Variants in FAM83B observed in about 807,000 individuals in gnomAD.
FAM83B encodes scaffolding CK1 anchoring protein B.
In FAM83B, 26 loss-of-function variants were observed where a neutral mutation model predicts 38.8. That is an observed-to-expected ratio of 0.67 (90% CI 0.49 to 0.93). FAM83B has a LOEUF of 0.93. FAM83B is among the 40% of genes least tolerant of loss of function. The pLI is 0.00. For synonymous variants in FAM83B, 419 were observed against 423.1 expected (o/e 0.99, Z 0.12); for missense variants, 1,237 against 1,197.3 (o/e 1.03, Z -0.49).
chr6:54,851,899 G>A (rs541334175), intron 1 of FAM83B, among the ~76,000 whole-genome samples: 10 of 151,946 alleles, frequency 6.6e-5, no homozygotes, highest in South Asian at 4.2e-4. Context: ...CTCCCGCCTC[G>A]GCCTCCCAAA....
At chr6:54,894,363 G>A (rs1201105765) in intron 2 of FAM83B, among the ~76,000 whole-genome samples, 1 of 151,824 alleles carries the variant, frequency 6.6e-6, no homozygotes. Flanking sequence ...TGGTCTATGT[G>A]GATTCTGATG....
At chr6:54,882,341 A>G (rs949880960) in intron 2 of FAM83B, among the ~76,000 whole-genome samples, 12 of 152,218 alleles carry the variant, frequency 7.9e-5, no homozygotes, top group Non-Finnish European at 1.8e-4. Flanking sequence ...GAAGCATTTT[A>G]TATATACTGA....
intron 1 of FAM83B, among the ~76,000 whole-genome samples, chr6:54,857,879 T>A (rs1771479173): frequency 6.6e-6 from 1 of 151,692 alleles, no homozygotes; most frequent in Non-Finnish European, 1.5e-5. Flanking sequence ...GGCATATGGA[T>A]AAGATAGAAA....
At chr6:54,846,483 C>T (rs1771135154), upstream of FAM83B, among the ~76,000 whole-genome samples, 1 of 152,216 alleles carries the variant, frequency 6.6e-6, no homozygotes, top group African/African-American at 2.4e-5. Context: ...TGCCCCGTAG[C>T]CCCGAGGGCG....
chr6:54,924,975 T>A (rs1047877385), intron 2 of FAM83B, among the ~76,000 whole-genome samples: 1 of 152,124 alleles, frequency 6.6e-6, no homozygotes, highest in African/African-American at 2.4e-5. Context: ...CTTTAATAGC[T>A]TACAGTCTTA....
Position 54,902,685 on chromosome 6 carries a change from G to C in FAM83B, c.445-23686G>C, listed in dbSNP as rs546250327. The stretch of plus-strand genomic sequence containing the variant: ...TCCAGGCAATAGCTCCCCTTATTTT[G>C]TGTAAATGTCAGATTGTCTCCTCAT... On this transcript the variant is annotated intron_variant, in intron 2 of 4. Transcript: ENST00000306858. Among the ~76,000 whole-genome samples the C allele has an allele frequency of 5.8e-4, 88 of 152,130 alleles. 2 individuals carry two copies. The highest frequency in any genetic ancestry group is 2.1e-3 in the African/African-American group (86 of 41,490).
chr6:54,880,995 T>C (rs559711594), intron 2 of FAM83B, among the ~76,000 whole-genome samples: 2 of 152,318 alleles, frequency 1.3e-5, no homozygotes, highest in Admixed American at 1.3e-4. Flanking sequence ...GATCATATGT[T>C]GTATAATATT....
At chr6:54,921,772 G>A (rs897167000) in intron 2 of FAM83B, among the ~76,000 whole-genome samples, 1 of 151,950 alleles carries the variant, frequency 6.6e-6, no homozygotes, top group Admixed American at 6.6e-5. Context: ...TAGCCATGTG[G>A]CCATGTGTGC....
At position 54,942,087 on chromosome 6, in the gene FAM83B, A is replaced by G; in HGVS notation, c.*80A>G. 1 of 1,392,756 alleles carries G rather than the reference A, an allele frequency of 7.2e-7. No individual in the cohort carries two copies. The highest frequency in any genetic ancestry group is 2.4e-5 in the East Asian group (1 of 41,988). The allele number at this position is 1,392,756 out of a possible 1,614,324, so 86.3% of individuals were successfully genotyped here. On this transcript the variant is annotated 3_prime_UTR_variant, in exon 5 of 5. Transcript: ENST00000306858. ...GACAGTCTTTGTAACATGCCAATAGATTTTCCTAAGGACAGAATTATGGGT... is the reference window on the plus strand; with the variant it reads ...GACAGTCTTTGTAACATGCCAATAGGTTTTCCTAAGGACAGAATTATGGGT...
rs1194401698 is a variant in FAM83B at position 54,943,211 on chromosome 6, A to G, written c.*1204A>G. 2 of 151,998 alleles carry G rather than the reference A, an allele frequency of 1.3e-5. No individual in the cohort carries two copies. Among genetic ancestry groups the G allele is most frequent in the East Asian group, 3.9e-4 (2 of 5,188 alleles). The allele number at this position is 151,998 out of a possible 1,614,324, so 9.4% of individuals were successfully genotyped here. A position where few individuals can be genotyped will look rare whatever the true frequency, so the allele number is the denominator to read the frequency against. ...TCTTCTTTAAGTTGTGCCAAATATG[A>G]TATGACTGCATAGTGTTTTTGTAAG... is the stretch of plus-strand genomic sequence containing the variant. On this transcript the variant is annotated 3_prime_UTR_variant, in exon 5 of 5. Transcript: ENST00000306858.
At chr6:54,895,766 C>T (rs1772516014) in intron 2 of FAM83B, among the ~76,000 whole-genome samples, 1 of 151,792 alleles carries the variant, frequency 6.6e-6, no homozygotes, top group South Asian at 2.1e-4. Context: ...TTTGAGATGG[C>T]GTCTCGCTCT....
chr6:54,870,278 A>T lies in FAM83B; in HGVS notation c.32A>T (p.Asn11Ile). 1 of 1,613,868 alleles carries T rather than the reference A, an allele frequency of 6.2e-7. No homozygotes were observed. Among genetic ancestry groups the T allele is most frequent in the Non-Finnish European group, 8.5e-7 (1 of 1,179,802 alleles). The part of the protein sequence containing the change: METSSMLSSL[N>I]DECKSDNYIE... Reference sequence around the variant, plus strand: ...ACCTCATCAATGCTTTCCTCATTGAATGATGAGTGTAAATCTGACAACTAC... The same window carrying T: ...ACCTCATCAATGCTTTCCTCATTGATTGATGAGTGTAAATCTGACAACTAC... The change falls in exon 2 of 5, where the codon AAT becomes ATT. Residue 11 changes from asparagine to isoleucine, a missense_variant. Coordinates refer to ENST00000306858, the MANE Select transcript of FAM83B (RefSeq NM_001010872.3).
At position 54,941,058 on chromosome 6, in the gene FAM83B, C is replaced by T. The variant is rs1244571847; in HGVS notation, c.2087C>T (p.Pro696Leu). 1 of 1,613,392 alleles carries T rather than the reference C, an allele frequency of 6.2e-7. No homozygotes were observed. Among genetic ancestry groups the T allele is most frequent in the South Asian group, 1.1e-5 (1 of 90,898 alleles). Residue 696 changes from proline (P) to leucine (L), a missense_variant, in exon 5 of 5, where the codon CCA becomes CTA. Transcript: ENST00000306858. ...CTTACCAGGAATCGAGTTAGACAAC[C>T]AGAAAAGCCCAAAGAAGATTTGCTG... ...STLTRNRVRQ[P>L]EKPKEDLLKS...
At position 54,871,640 on chromosome 6, in the gene FAM83B, G is replaced by T. The variant is rs189308742; in HGVS notation, c.444+950G>T. On this transcript the variant is annotated intron_variant, in intron 2 of 4. Coordinates refer to ENST00000306858, the MANE Select transcript of FAM83B (RefSeq NM_001010872.3). Reference sequence around the variant, plus strand: ...TGCTTATAGTCCCAGCTAGTCAGGAGGCTAAGACACGAGAATTGCTTGAAC... The same window carrying T: ...TGCTTATAGTCCCAGCTAGTCAGGATGCTAAGACACGAGAATTGCTTGAAC... 2.5e-3 allele frequency among the ~76,000 whole-genome samples: 365 copies of T among 147,048 alleles called. 1 individual carries two copies. The highest frequency in any genetic ancestry group is 8.6e-3 in the African/African-American group (346 of 40,162).
At chr6:54,851,648 T>G (rs1415933687) in intron 1 of FAM83B, among the ~76,000 whole-genome samples, 1 of 42,610 alleles carries the variant, frequency 2.3e-5, no homozygotes, top group African/African-American at 1.2e-4. Context: ...AATTTTTGTG[T>G]TTTTTTTTTT....
At position 54,927,328 on chromosome 6, in the gene FAM83B, A is replaced by G. The variant is rs184008712; in HGVS notation, c.610-180A>G. On this transcript the variant is annotated intron_variant, in intron 3 of 4. Coordinates refer to ENST00000306858, the MANE Select transcript of FAM83B (RefSeq NM_001010872.3). ...TAAAGTGAAATCTCCTATTTAAGCT[A>G]TATTGAAATGTATATTTTAAATGAT... 6.4e-3 allele frequency among the ~76,000 whole-genome samples: 967 copies of G among 152,184 alleles called. 6 individuals carry two copies. Among genetic ancestry groups the G allele is most frequent in the Middle Eastern group, 0.014 (4 of 294 alleles).
At chr6:54,850,848 G>A (rs571661382) in intron 1 of FAM83B, among the ~76,000 whole-genome samples, 5 of 151,978 alleles carry the variant, frequency 3.3e-5, no homozygotes, top group African/African-American at 7.2e-5. Flanking sequence ...GTGAAACGCC[G>A]TCTCTACTAA....
chr6:54,882,341 A>T (rs949880960), intron 2 of FAM83B, among the ~76,000 whole-genome samples: 7 of 152,218 alleles, frequency 4.6e-5, no homozygotes, highest in African/African-American at 1.7e-4. Flanking sequence ...GAAGCATTTT[A>T]TATATACTGA....
intron 2 of FAM83B, among the ~76,000 whole-genome samples, chr6:54,884,388 A>G (rs903320691): frequency 6.7e-6 from 1 of 149,940 alleles, no homozygotes; most frequent in African/African-American, 2.5e-5. Flanking sequence ...AGGCTGAGTC[A>G]TGAGAATTGC....
Sources: gnomAD v4.1 joint callset for allele counts (sites outside exome capture counted in the v4.1 genomes callset) on GRCh38, gnomAD v4.1.1 for gene constraint, MANE v1.5 for transcripts, NCBI Gene and HGNC (gene_info 2026-07-23, HGNC 2026-07-21) for gene names.